Variants in LDLRAD3 observed in about 807,000 individuals in gnomAD.
LDLRAD3 encodes low density lipoprotein receptor class A domain containing 3.
LDLRAD3 carries 20 observed loss-of-function variants against 29.4 expected under a neutral mutation model. The observed-to-expected ratio is 0.68, with a 90% CI of 0.48 to 0.99. The LOEUF is 0.99. Among genes scored for constraint, LDLRAD3 ranks in the 50% least tolerant of loss-of-function variants. LDLRAD3 has a pLI of 0.00. For missense variants in LDLRAD3, 420 were observed against 454.3 expected (o/e 0.92, Z 0.69); for synonymous variants, 157 against 192.7 (o/e 0.81, Z 1.53).
At chr11:36,085,685 C>T (rs576398542) in intron 3 of LDLRAD3, among the ~76,000 whole-genome samples, 1 of 152,210 alleles carries the variant, frequency 6.6e-6, no homozygotes, top group African/African-American at 2.4e-5. Context: ...GATCATGGCT[C>T]ACTGCAGCCT....
At chr11:36,078,377 C>A (rs1431706073) in intron 2 of LDLRAD3, among the ~76,000 whole-genome samples, 3 of 152,204 alleles carry the variant, frequency 2.0e-5, no homozygotes, top group Non-Finnish European at 4.4e-5. Flanking sequence ...GTCTTCAGCA[C>A]CCCCTTGGTC....
intron 4 of LDLRAD3, among the ~76,000 whole-genome samples, chr11:36,105,501 G>A (rs1853516401): frequency 6.6e-6 from 1 of 152,124 alleles, no homozygotes; most frequent in Admixed American, 6.5e-5. Flanking sequence ...TGGAAATAGG[G>A]TCATTGCAGA....
intron 4 of LDLRAD3, among the ~76,000 whole-genome samples, chr11:36,191,568 CTCTCTCTCTATATA>C (rs1854946130): frequency 1.3e-5 from 1 of 78,894 alleles, no homozygotes; most frequent in Non-Finnish European, 2.4e-5. Flanking sequence ...CTCTCTCTCT[CTCTCTCTCTATATA>C]TATATATATA....
chr11:36,229,636 G>T lies in LDLRAD3; in HGVS notation c.*239G>T. On this transcript the variant is annotated 3_prime_UTR_variant, in exon 6 of 6. Coordinates refer to ENST00000315571, the MANE Select transcript of LDLRAD3 (RefSeq NM_174902.4). The stretch of plus-strand genomic sequence containing the variant: ...TCAGGTCACTCTTCCCTTGGGACCC[G>T]AGATCACACCCTCATTTTTCACATT... 1 of 475,176 alleles carries T rather than the reference G, an allele frequency of 2.1e-6. No individual in the cohort carries two copies. Among genetic ancestry groups the T allele is most frequent in the Non-Finnish European group, 3.7e-6 (1 of 267,982 alleles). 29.4% of individuals were successfully genotyped at this position (475,176 alleles called of 1,614,324 possible). A position where few individuals can be genotyped will look rare whatever the true frequency, so the allele number is the denominator to read the frequency against.
In LDLRAD3 at chr11:36,005,427, G is replaced by A. The variant is rs752039810; in HGVS notation, c.47-30676G>A. Reference sequence around the variant, plus strand: ...CATAGCAAGAGTGACCTTTACTCCCGTTCCCGATAAGTTCCTCATCTCCAT... The same window carrying A: ...CATAGCAAGAGTGACCTTTACTCCCATTCCCGATAAGTTCCTCATCTCCAT... On this transcript the variant is annotated intron_variant, in intron 1 of 5. Transcript: ENST00000315571. Among the ~76,000 whole-genome samples, 208 of 152,284 alleles carry A rather than the reference G, an allele frequency of 1.4e-3. 1 individual carries two copies. The highest frequency in any genetic ancestry group is 2.6e-3 in the Non-Finnish European group (176 of 68,024).
intron 4 of LDLRAD3, among the ~76,000 whole-genome samples, chr11:36,113,672 CTTTT>C (rs745375991): frequency 7.9e-6 from 1 of 126,394 alleles, no homozygotes; most frequent in Admixed American, 8.1e-5. Flanking sequence ...CATAGCATCA[CTTTT>C]TTTTTTTTTT....
chr11:36,039,762 C>T (rs912180361), intron 2 of LDLRAD3, among the ~76,000 whole-genome samples: 1 of 152,198 alleles, frequency 6.6e-6, no homozygotes. Context: ...TGTAACTTAA[C>T]CATCCCTCTA....
chr11:36,149,645 G>A (rs142848679), intron 4 of LDLRAD3, among the ~76,000 whole-genome samples: 3 of 152,288 alleles, frequency 2.0e-5, no homozygotes, highest in African/African-American at 4.8e-5. Flanking sequence ...TGGTGGCCAG[G>A]GTCTGTGGCT....
chr11:35,965,810 TA>T (rs1366546380), intron 1 of LDLRAD3, among the ~76,000 whole-genome samples: 4 of 152,160 alleles, frequency 2.6e-5, no homozygotes, highest in Non-Finnish European at 4.4e-5. Context: ...ATTCGCTTTT[TA>T]AAATCAGGAA....
chr11:36,146,530 GACAGTTATTCTCGT>G (rs1209142459), intron 4 of LDLRAD3, among the ~76,000 whole-genome samples: 1 of 152,140 alleles, frequency 6.6e-6, no homozygotes, highest in African/African-American at 2.4e-5. Context: ...TAAAAAAACA[GACAGTTATTCTCGT>G]ACAGTTCAGA....
chr11:36,087,804 C>A (rs1284351776), intron 3 of LDLRAD3, among the ~76,000 whole-genome samples: 8 of 152,008 alleles, frequency 5.3e-5, no homozygotes, highest in Admixed American at 2.6e-4. Context: ...CTTGACTTCC[C>A]AGGCTCAGGT....
Position 36,195,377 on chromosome 11 carries a change from A to G in LDLRAD3, c.455-31708A>G, listed in dbSNP as rs373863903. Among the ~76,000 whole-genome samples the G allele has an allele frequency of 2.2e-4, 34 of 152,292 alleles. 1 individual carries two copies. The highest frequency in any genetic ancestry group is 7.5e-4 in the African/African-American group (31 of 41,582). On this transcript the variant is annotated intron_variant, in intron 4 of 5. Transcript: ENST00000315571. ...TATGGACCAGAAGCACACTGTGAAC[A>G]CCACCATTCTAGTTACACCTAACCA...
intron 2 of LDLRAD3, among the ~76,000 whole-genome samples, chr11:36,079,063 G>C (rs75292238): frequency 6.6e-6 from 1 of 152,154 alleles, no homozygotes; most frequent in African/African-American, 2.4e-5. Flanking sequence ...CCTCAGGGAC[G>C]CAGGGCACAG....
In LDLRAD3 at chr11:36,045,721, G is replaced by GT. The variant is rs1852440044; in HGVS notation, c.193+9472_193+9473insT. Among the ~76,000 whole-genome samples the GT allele has an allele frequency of 3.7e-5, 5 of 134,128 alleles. No individual in the cohort carries two copies. The South Asian group carries it at 7.8e-4, about 21-fold the overall frequency. 88.0% of individuals were successfully genotyped at this position (134,128 alleles called of 152,430 possible). The stretch of plus-strand genomic sequence containing the variant: ...TGAATAAGTCTCACGAGATCTGATG[G>GT]GTTTTTTTTTTTTTTTCATTTCAAA... On this transcript the variant is annotated intron_variant, in intron 2 of 5. Transcript: ENST00000315571.
At chr11:35,985,117 G>A (rs923720485) in intron 1 of LDLRAD3, among the ~76,000 whole-genome samples, 1 of 151,786 alleles carries the variant, frequency 6.6e-6, no homozygotes, top group Non-Finnish European at 1.5e-5. Flanking sequence ...TTTTTGTAGA[G>A]ATGAGCTCTT....
At chr11:36,051,799 G>A (rs192536675) in intron 2 of LDLRAD3, among the ~76,000 whole-genome samples, 83 of 152,272 alleles carry the variant, frequency 5.5e-4, no homozygotes, top group African/African-American at 1.9e-3. Context: ...AACAAACTAA[G>A]TTTTGAGTCG....
At chr11:36,015,555 A>G (rs548781308) in intron 1 of LDLRAD3, among the ~76,000 whole-genome samples, 17 of 152,208 alleles carry the variant, frequency 1.1e-4, no homozygotes, top group South Asian at 8.3e-4. Flanking sequence ...GGGGAGCTCT[A>G]TGAATTTCCA....
chr11:35,952,203 T>C (rs541301898), intron 1 of LDLRAD3, among the ~76,000 whole-genome samples: 54 of 152,340 alleles, frequency 3.5e-4, no homozygotes, highest in Admixed American at 1.0e-3. Context: ...AGTTTCAGAA[T>C]TGGCACGTGG....
intron 4 of LDLRAD3, among the ~76,000 whole-genome samples, chr11:36,220,644 G>C (rs1338309908): frequency 6.6e-6 from 1 of 152,190 alleles, no homozygotes; most frequent in African/African-American, 2.4e-5. Flanking sequence ...GTAGGATACT[G>C]CATACTGTAG....
Sources: allele counts gnomAD v4.1 joint callset (sites outside exome capture counted in the v4.1 genomes callset), GRCh38; gene constraint gnomAD v4.1.1; transcripts MANE v1.5; gene names NCBI Gene and HGNC (gene_info 2026-07-23, HGNC 2026-07-21).